The following LIN52 variants were observed in gnomAD, a reference collection of about 807,000 sequenced individuals.
LIN52 encodes the protein protein lin-52 homolog.
Under a neutral mutation model 18.5 loss-of-function variants are expected in LIN52, and 4 were observed. The observed-to-expected ratio is 0.22, with a 90% CI of 0.11 to 0.49. The LOEUF is 0.49. LIN52 is among the 20% of genes least tolerant of loss of function. The probability of loss-of-function intolerance (pLI) is 0.97; values close to 1 mark genes in which losing one functional copy is unlikely to be tolerated. For synonymous variants in LIN52, 34 were observed against 45.5 expected, an observed-to-expected ratio of 0.75 and a Z score of 1.02; for missense variants, 102 against 139.5, an observed-to-expected ratio of 0.73 and a Z score of 1.35.
chr14:74,166,741 G>T (rs2061251468), intron 5 of LIN52, among the ~76,000 whole-genome samples: 2 of 152,198 alleles, frequency 1.3e-5, no homozygotes, highest in South Asian at 4.2e-4. Flanking sequence ...TTGGTGTAAG[G>T]GGTATTTTCC....
At chr14:74,162,573 T>A (rs535850964) in intron 5 of LIN52, among the ~76,000 whole-genome samples, 38 of 150,256 alleles carry the variant, frequency 2.5e-4, no homozygotes, top group African/African-American at 9.3e-4. Flanking sequence ...GAAAAAAAAA[T>A]ATTAGAGATG....
chr14:74,153,967 G>A lies in LIN52; in HGVS notation c.284-44955G>A, dbSNP rs577451291. Among the ~76,000 whole-genome samples, 12 of 152,238 alleles carry A rather than the reference G, an allele frequency of 7.9e-5. No individual in the cohort carries two copies. In the South Asian group the frequency reaches 2.5e-3, roughly 32 times the overall value. On this transcript the variant is annotated intron_variant, in intron 5 of 5. Coordinates refer to ENST00000555028, the MANE Select transcript of LIN52 (RefSeq NM_001024674.3). ...GTTTTTCAATAAGTTGTAAATTTTA[G>A]AATATTTTTAAATTTACAGGAAAAT... is the stretch of plus-strand genomic sequence containing the variant.
intron 5 of LIN52, among the ~76,000 whole-genome samples, chr14:74,170,321 T>G (rs147476642): frequency 6.6e-6 from 1 of 152,320 alleles, no homozygotes; most frequent in African/African-American, 2.4e-5. Context: ...GATCTAGAAG[T>G]GATTTTTGTC....
At chr14:74,095,435 C>G (rs749399857) in intron 2 of LIN52, among the ~76,000 whole-genome samples, 1 of 151,832 alleles carries the variant, frequency 6.6e-6, no homozygotes, top group East Asian at 1.9e-4. Context: ...GCACCCGGCC[C>G]GTTTTTTAAT....
At chr14:74,125,510 A>G (rs1186626844) in intron 5 of LIN52, among the ~76,000 whole-genome samples, 1 of 151,918 alleles carries the variant, frequency 6.6e-6, no homozygotes, top group Non-Finnish European at 1.5e-5. Flanking sequence ...TAGATTCTGG[A>G]TATTCGCCCT....
intron 5 of LIN52, among the ~76,000 whole-genome samples, chr14:74,149,613 CTT>C (rs1319533190): frequency 6.6e-6 from 1 of 152,096 alleles, no homozygotes; most frequent in Non-Finnish European, 1.5e-5. Context: ...TTTTCATAAA[CTT>C]TTTTCCTTCA....
At chr14:74,116,743 A>C (rs2060966962) in intron 5 of LIN52, among the ~76,000 whole-genome samples, 1 of 151,566 alleles carries the variant, frequency 6.6e-6, no homozygotes, top group African/African-American at 2.4e-5. Flanking sequence ...AAAAGCACTA[A>C]AGGGCATTTC....
chr14:74,195,808 G>A (rs1344146398), intron 5 of LIN52, among the ~76,000 whole-genome samples: 1 of 152,120 alleles, frequency 6.6e-6, no homozygotes, highest in African/African-American at 2.4e-5. Context: ...GTAGCAGGTC[G>A]GTAAGAATCT....
chr14:74,099,988 G>A lies in LIN52; in HGVS notation c.200-1167G>A, dbSNP rs1416543524. Among the ~76,000 whole-genome samples the A allele has an allele frequency of 2.6e-5, 4 of 152,234 alleles. No homozygotes were observed. In the East Asian group the frequency reaches 7.7e-4, roughly 29 times the overall value. ...TGCTCCTAACCTCCAACAGTATGCT[G>A]TCTTTTTACTTAGTAAACTTAAAGA... On this transcript the variant is annotated intron_variant, in intron 4 of 5. Coordinates refer to ENST00000555028, the MANE Select transcript of LIN52 (RefSeq NM_001024674.3).
rs1326787413 is a variant in LIN52, at chr14:74,157,612, C to T, written c.284-41310C>T. 1.4e-4 allele frequency among the ~76,000 whole-genome samples: 22 copies of T among 151,944 alleles called. 1 individual carries two copies. Among genetic ancestry groups the T allele is most frequent in the Admixed American group, 1.4e-3 (22 of 15,242 alleles). The stretch of plus-strand genomic sequence containing the variant: ...CTCCCAAGTACCTGGGACTACTCAC[C>T]ACCACACCTGGCTCATTTTTTGATA... On this transcript the variant is annotated intron_variant, in intron 5 of 5. Transcript: ENST00000555028.
At chr14:74,145,555 T>G (rs1262259691) in intron 5 of LIN52, among the ~76,000 whole-genome samples, 3 of 152,246 alleles carry the variant, frequency 2.0e-5, no homozygotes, top group Admixed American at 6.5e-5. Context: ...TCTTTGTCCA[T>G]GGCATTTTTT....
chr14:74,196,974 C>T (rs2078916294), intron 5 of LIN52, among the ~76,000 whole-genome samples: 1 of 152,192 alleles, frequency 6.6e-6, no homozygotes, highest in South Asian at 2.1e-4. Context: ...CCCATGCTAC[C>T]TCCTATGGGC....
intron 5 of LIN52, among the ~76,000 whole-genome samples, chr14:74,166,728 C>T (rs922144476): frequency 6.6e-6 from 1 of 152,112 alleles, no homozygotes; most frequent in South Asian, 2.1e-4. Context: ...CCATCTTTTT[C>T]CCTTGGTGTA....
At chr14:74,153,890 A>G (rs1476855077) in intron 5 of LIN52, among the ~76,000 whole-genome samples, 1 of 152,170 alleles carries the variant, frequency 6.6e-6, no homozygotes, top group Non-Finnish European at 1.5e-5. Flanking sequence ...AAACATAAAA[A>G]TTATTTGTGT....
chr14:74,114,031 A>T, intron 5 of LIN52: 1 of 361,210 alleles, frequency 2.8e-6, no homozygotes, highest in Non-Finnish European at 3.8e-6. Context: ...CCCAGGCTGG[A>T]GTGCAATGGT....
At chr14:74,116,858 T>A in intron 5 of LIN52, among the ~76,000 whole-genome samples, 1 of 149,354 alleles carries the variant, frequency 6.7e-6, no homozygotes. Context: ...TTTGAGAGCA[T>A]GGACATAGAC....
intron 5 of LIN52, among the ~76,000 whole-genome samples, chr14:74,162,635 C>T (rs1428677480): frequency 6.6e-6 from 1 of 151,962 alleles, no homozygotes; most frequent in Non-Finnish European, 1.5e-5. Context: ...CTCAAGGGAT[C>T]CACCCACCTC....
chr14:74,114,213 T>TG, intron 5 of LIN52: 2 of 970,694 alleles, frequency 2.1e-6, no homozygotes, highest in South Asian at 4.8e-5. Flanking sequence ...TGTGTGTGTG[T>TG]AGTTTTAACT....
intron 5 of LIN52, among the ~76,000 whole-genome samples, chr14:74,158,138 A>G (rs1488290127): frequency 6.9e-6 from 1 of 144,086 alleles, no homozygotes; most frequent in Non-Finnish European, 1.5e-5. Context: ...TTTTTGAGAT[A>G]GAGTCTCCCT....
Sources: gnomAD v4.1 joint callset for allele counts (sites outside exome capture counted in the v4.1 genomes callset) on GRCh38, gnomAD v4.1.1 for gene constraint, MANE v1.5 for transcripts, NCBI Gene and HGNC (gene_info 2026-07-23, HGNC 2026-07-21) for gene names.